The following SBNO2 variants were observed in gnomAD, a reference collection of about 807,000 sequenced individuals.
SBNO2 encodes strawberry notch homolog 2.
SBNO2 carries 89 observed loss-of-function variants against 146.3 expected under a neutral mutation model. The ratio of observed to expected loss-of-function variants is 0.61; its 90% confidence interval spans 0.51 to 0.73. The LOEUF is 0.73. SBNO2 is among the 30% of genes least tolerant of loss of function. The pLI is 0.00. For synonymous variants in SBNO2, 1,147 were observed against 892.6 expected (o/e 1.29, Z -5.08); for missense variants, 2,092 against 2,003.7 (o/e 1.04, Z -0.84).
chr19:1,128,668 C>T (rs1313672306), intron 4 of SBNO2, among the ~76,000 whole-genome samples: 1 of 149,736 alleles, frequency 6.7e-6, no homozygotes, highest in Non-Finnish European at 1.5e-5. Flanking sequence ...GCTGGGATTA[C>T]AGGCGTGAGC....
chr19:1,111,996 C>G lies in SBNO2; in HGVS notation c.2700G>C (p.Lys900Asn). ...CCCAACCCTGCCTTCCCTGCAGTAC[C>G]TTGTTCTCAAAGTTGTACTTGCTGA... is the stretch of plus-strand genomic sequence containing the variant. Reference protein sequence around the residue: ...RDLSKYNFENKYGTRALHCVL... With the variant: ...RDLSKYNFENNYGTRALHCVL... Residue 900 changes from lysine (K) to asparagine (N), a missense_variant and splice_region_variant, in exon 23 of 32, where the codon AAG becomes AAC. Coordinates refer to ENST00000361757, the MANE Select transcript of SBNO2 (RefSeq NM_014963.3). 6.2e-7 allele frequency: 1 copy of G among 1,611,922 alleles called. No individual in the cohort carries two copies. Among genetic ancestry groups the G allele is most frequent in the Non-Finnish European group, 8.5e-7 (1 of 1,179,646 alleles).
chr19:1,147,386 G>T lies in SBNO2; in HGVS notation c.202C>A (p.Gln68Lys). The T allele has an allele frequency of 6.5e-7, 1 of 1,532,868 alleles. No homozygotes were observed. The allele number at this position is 1,532,868 out of a possible 1,614,324, so 95.0% of individuals were successfully genotyped here. A position where few individuals can be genotyped will look rare whatever the true frequency, so the allele number is the denominator to read the frequency against. The change falls in exon 4 of 32, where the codon CAG becomes AAG. Residue 68 changes from glutamine to lysine, a missense_variant. Transcript: ENST00000361757. ...FMSSASFLGS[Q>K]PCPDTSYAPV... Reference sequence around the variant, plus strand: ...GCATAGCTGGTGTCTGGGCAGGGCTGGCTGCCGAGGAAGGAGGCGGAGCTC... The same window carrying T: ...GCATAGCTGGTGTCTGGGCAGGGCTTGCTGCCGAGGAAGGAGGCGGAGCTC...
chr19:1,119,290 AGGCAGTT>A, intron 13 of SBNO2, 126 bp from the exon 14 acceptor site: 1 of 1,218,450 alleles, frequency 8.2e-7, no homozygotes, highest in Non-Finnish European at 1.1e-6. Flanking sequence ...GCGGCCACTG[AGGCAGTT>A]GGCAGCTGAG....
At position 1,109,374 on chromosome 19, in the gene SBNO2, T is replaced by A. The variant is rs746807840; in HGVS notation, c.3266A>T (p.Gln1089Leu). 2.5e-6 allele frequency: 4 copies of A among 1,577,848 alleles called. No individual in the cohort carries two copies. In the South Asian group the frequency reaches 4.6e-5, roughly 18 times the overall value. The change falls in exon 29 of 32, where the codon CAG (glutamine) becomes CTG (leucine). Residue 1089 changes from glutamine to leucine, a missense_variant. By Grantham distance (113) the Gln-to-Leu change is moderately radical (BLOSUM62 -2). Transcript: ENST00000361757. This position sits in a 1 kb window ranked among gnomAD's most constrained non-coding sequence, Gnocchi z 4.2. The part of the protein sequence containing the change: ...SCLLAEQNRG[Q>L]FFTVYKPNIG... Reference sequence around the variant, plus strand: ...GTTGGGCTTGTACACCGTGAAGAACTGGCCGCGGTTCTGCTCCGCCAGCAG... The same window carrying A: ...GTTGGGCTTGTACACCGTGAAGAACAGGCCGCGGTTCTGCTCCGCCAGCAG...
chr19:1,113,066 G>A (rs1264118615), intron 19 of SBNO2, 117 bp from the exon 20 acceptor site: 37 of 1,224,212 alleles, frequency 3.0e-5, no homozygotes, highest in Middle Eastern at 3.9e-4. Context: ...AGCTGTGCAC[G>A]GGAGGTGGGG....
chr19:1,109,087 G>T lies in SBNO2; in HGVS notation c.3425+48C>A. On this transcript the variant is annotated intron_variant, in intron 30 of 31. Transcript: ENST00000361757. This position sits in a 1 kb window ranked among gnomAD's most constrained non-coding sequence, Gnocchi z 4.2. ...CTCGGGAGCCCCCGATCCCCGCCTG[G>T]GTCGCCGCCATCTGCCGGTTTCCCC... is the stretch of plus-strand genomic sequence containing the variant. 1 of 1,540,550 alleles carries T rather than the reference G, an allele frequency of 6.5e-7. No individual in the cohort carries two copies. Among genetic ancestry groups the T allele is most frequent in the Admixed American group, 2.0e-5 (1 of 50,662 alleles).
At chr19:1,133,086 G>A (rs2080049436) in intron 4 of SBNO2, among the ~76,000 whole-genome samples, 1 of 152,156 alleles carries the variant, frequency 6.6e-6, no homozygotes, top group Non-Finnish European at 1.5e-5. Context: ...GGCCACAGGC[G>A]GTCATTCTCG....
intron 4 of SBNO2, among the ~76,000 whole-genome samples, chr19:1,145,698 G>C (rs1047661788): frequency 2.0e-5 from 3 of 152,114 alleles, no homozygotes; most frequent in Admixed American, 2.0e-4. Context: ...GCCAGCTCTG[G>C]ACAGGCGCCT....
At chr19:1,165,750 TCAGACCC>T (rs1161881437) in intron 1 of SBNO2, among the ~76,000 whole-genome samples, 66 of 4,932 alleles carry the variant, frequency 0.013, 3 homozygotes, top group South Asian at 0.085. Flanking sequence ...ACCCCAGATC[TCAGACCC>T]CAGACCCCAG....
At position 1,110,697 on chromosome 19, in the gene SBNO2, G is replaced by T; in HGVS notation, c.3028+48C>A. ...CCCAGGATGCATGGCGTTCCCACGA[G>T]CCCCGCACCCACACCCACCCACACC... is the stretch of plus-strand genomic sequence containing the variant. On this transcript the variant is annotated intron_variant, in intron 26 of 31. Transcript: ENST00000361757. This position sits in a 1 kb window ranked among gnomAD's most constrained non-coding sequence, Gnocchi z 4.9. 6.2e-7 allele frequency: 1 copy of T among 1,602,434 alleles called. No homozygotes were observed.
In SBNO2 at chr19:1,112,688, G is replaced by A; in HGVS notation, c.2379+130C>T. On this transcript the variant is annotated intron_variant, in intron 20 of 31. Transcript: ENST00000361757. The surrounding 1 kb of genome is among the most constrained non-coding windows in gnomAD (Gnocchi z 5.9). Reference sequence around the variant, plus strand: ...GGGGCGCGGACACCACCCGCCACACGGCCACTCGCGCCCGCACCTGGCACA... The same window carrying A: ...GGGGCGCGGACACCACCCGCCACACAGCCACTCGCGCCCGCACCTGGCACA... 2.1e-6 allele frequency: 3 copies of A among 1,434,810 alleles called. No individual in the cohort carries two copies. Among genetic ancestry groups the A allele is most frequent in the South Asian group, 2.8e-5 (2 of 71,094 alleles). The allele number at this position is 1,434,810 out of a possible 1,614,324, so 88.9% of individuals were successfully genotyped here.
Position 1,147,435 on chromosome 19 carries a change from G to GAGGT in SBNO2, c.168-16_168-15insACCT, listed in dbSNP as rs764613304. 7.6e-5 allele frequency: 97 copies of GAGGT among 1,277,384 alleles called. 5 individuals are homozygous for GAGGT. In the African/African-American group the frequency reaches 1.1e-3, roughly 15 times the overall value. 79.1% of individuals were successfully genotyped at this position (1,277,384 alleles called of 1,614,324 possible). On this transcript the variant is annotated splice_polypyrimidine_tract_variant and intron_variant, in intron 3 of 31. Transcript: ENST00000361757. ...TCATGAACGGGCTGGAGGGAGATGG[G>GAGGT]GGGGGGGGAGGTGAGATGGGGTGCT... is the stretch of plus-strand genomic sequence containing the variant.
In SBNO2 at chr19:1,122,715, C is replaced by A; in HGVS notation, c.857G>T (p.Arg286Leu). 1 of 1,536,946 alleles carries A rather than the reference C, an allele frequency of 6.5e-7. No homozygotes were observed. Among genetic ancestry groups the A allele is most frequent in the Non-Finnish European group, 8.7e-7 (1 of 1,146,468 alleles). ...IGDGAGVGKG[R>L]TVAGVILENH... Reference sequence around the variant, plus strand: ...CTCCAGGATGACTCCGGCCACCGTCCGGCCTTTGCCCACGCCGGCCCCATC... The same window carrying A: ...CTCCAGGATGACTCCGGCCACCGTCAGGCCTTTGCCCACGCCGGCCCCATC... Residue 286 changes from arginine (R) to leucine (L), a missense_variant, in exon 9 of 32, where the codon CGG becomes CTG. Coordinates refer to ENST00000361757, the MANE Select transcript of SBNO2 (RefSeq NM_014963.3).
intron 2 of SBNO2, among the ~76,000 whole-genome samples, chr19:1,153,489 T>C (rs942391259): frequency 3.3e-5 from 5 of 151,946 alleles, no homozygotes; most frequent in African/African-American, 1.2e-4. Flanking sequence ...TCTGCCCGCC[T>C]TGGCCTCTGA....
At position 1,122,454 on chromosome 19, in the gene SBNO2, A is replaced by C. The variant is rs1300770617; in HGVS notation, c.1005+14T>G. On this transcript the variant is annotated intron_variant, in intron 10 of 31. Transcript: ENST00000361757. The stretch of plus-strand genomic sequence containing the variant: ...CCCCACCTTGCCCCCTACTTTGCCG[A>C]GCACAGCCCCTACCTTGCTGAGCGC... 1 of 1,565,074 alleles carries C rather than the reference A, an allele frequency of 6.4e-7. No homozygotes were observed. Among genetic ancestry groups the C allele is most frequent in the Non-Finnish European group, 8.6e-7 (1 of 1,156,910 alleles).
chr19:1,170,594 C>A (rs767342449), intron 1 of SBNO2, among the ~76,000 whole-genome samples: 17 of 152,236 alleles, frequency 1.1e-4, no homozygotes, highest in Non-Finnish European at 1.9e-4. Flanking sequence ...TGGAGGTATT[C>A]CAGGCCTGCC....
chr19:1,161,757 T>C (rs901397120), intron 1 of SBNO2, among the ~76,000 whole-genome samples: 9 of 151,936 alleles, frequency 5.9e-5, no homozygotes, highest in African/African-American at 2.2e-4. Context: ...CAGAACTGCG[T>C]AGGGAGCTGT....
At chr19:1,148,062 G>A (rs955250996) in intron 3 of SBNO2, among the ~76,000 whole-genome samples, 17 of 152,106 alleles carry the variant, frequency 1.1e-4, no homozygotes, top group Non-Finnish European at 1.6e-4. Flanking sequence ...CTTGGGAGAG[G>A]GGTGGCCGCC....
intron 1 of SBNO2, among the ~76,000 whole-genome samples, chr19:1,165,884 CCAGACCCCAGATCT>C (rs2080413252): frequency 1.8e-5 from 1 of 56,602 alleles, no homozygotes; most frequent in African/African-American, 5.4e-5. Flanking sequence ...ACCCCAGATC[CCAGACCCCAGATCT>C]CAGACCCCCA....
Sources: allele counts gnomAD v4.1 joint callset (sites outside exome capture counted in the v4.1 genomes callset), GRCh38; gene constraint gnomAD v4.1.1; non-coding constraint Gnocchi (gnomAD v3.1); transcripts MANE v1.5; gene names NCBI Gene and HGNC (gene_info 2026-07-23, HGNC 2026-07-21).